GLYATL1: variants seen among roughly 807,000 people sequenced by gnomAD.
GLYATL1 encodes glycine-N-acyltransferase like 1, also known as glycine N-acyltransferase-like protein 1.
GLYATL1 carries 15 observed loss-of-function variants against 20.0 expected under a neutral mutation model. The ratio of observed to expected loss-of-function variants is 0.75; its 90% CI spans 0.50 to 1.15. GLYATL1 has a LOEUF of 1.15. Among genes scored for constraint, GLYATL1 ranks in the 50% most tolerant of loss-of-function variants. The probability of loss-of-function intolerance (pLI) is 0.00; values close to 1 mark genes in which losing one functional copy is unlikely to be tolerated. For missense variants in GLYATL1, 380 were observed against 368.5 expected (o/e 1.03, Z -0.26); for synonymous variants, 151 against 131.5 (o/e 1.15, Z -1.01).
chr11:58,915,705 G>T (rs77294961), intron 1 of GLYATL1, among the ~76,000 whole-genome samples: 198 of 152,288 alleles, frequency 1.3e-3, no homozygotes, highest in African/African-American at 4.5e-3. Context: ...ACACCGATTG[G>T]GACTGCCAGG....
At chr11:58,909,152 A>G (rs1264381265), downstream of GLYATL1, among the ~76,000 whole-genome samples, 1 of 152,218 alleles carries the variant, frequency 6.6e-6, no homozygotes, top group African/African-American at 2.4e-5. Context: ...AAGAAATTAA[A>G]GCAGTGTCAT....
chr11:58,953,416 T>G (rs2135267969), intron 4 of GLYATL1, among the ~76,000 whole-genome samples: 1 of 149,998 alleles, frequency 6.7e-6, no homozygotes, highest in Non-Finnish European at 1.5e-5. Context: ...TGCTTTTTTC[T>G]CTTTCTCTTG....
At chr11:58,946,859 C>T (rs754849331) in intron 2 of GLYATL1, 187 bp from the exon 3 acceptor site, 288 of 625,778 alleles carry the variant, frequency 4.6e-4, no homozygotes, top group Non-Finnish European at 7.5e-4. Context: ...GTTTCAAAAT[C>T]TGACTCTGGC....
chr11:58,913,004 T>C (rs1855087758), downstream of GLYATL1, among the ~76,000 whole-genome samples: 1 of 152,138 alleles, frequency 6.6e-6, no homozygotes, highest in Non-Finnish European at 1.5e-5. Context: ...AGACATCCAA[T>C]GGAAGGCCAT....
chr11:58,913,910 C>T (rs1855108949), intron 1 of GLYATL1, among the ~76,000 whole-genome samples: 1 of 152,200 alleles, frequency 6.6e-6, no homozygotes, highest in Admixed American at 6.5e-5. Flanking sequence ...TGCTTGTTGA[C>T]TCACTAATCA....
intron 1 of GLYATL1, among the ~76,000 whole-genome samples, chr11:58,906,865 A>G (rs1854902055): frequency 6.6e-6 from 1 of 152,154 alleles, no homozygotes; most frequent in African/African-American, 2.4e-5. Context: ...CGCGGTGCTC[A>G]TTTGAGGCGG....
chr11:58,908,085 C>T (rs1186207900), exon 2 of GLYATL1: 2 of 152,406 alleles, frequency 1.3e-5, no homozygotes, highest in Non-Finnish European at 2.9e-5. Context: ...CACTGCACAT[C>T]TCTGATCCTC....
chr11:58,910,619 T>G (rs1472395830), downstream of GLYATL1, among the ~76,000 whole-genome samples: 2 of 152,006 alleles, frequency 1.3e-5, no homozygotes, highest in East Asian at 1.9e-4. Context: ...AGTGTAAAAC[T>G]GCCAAACTGT....
chr11:58,949,043 A>G (rs1001723134), intron 4 of GLYATL1, among the ~76,000 whole-genome samples: 1 of 152,264 alleles, frequency 6.6e-6, no homozygotes. Flanking sequence ...ACATAACTGT[A>G]AATAGTGTTT....
chr11:58,947,952 G>C lies in GLYATL1; in HGVS notation c.173G>C (p.Arg58Pro). The C allele has an allele frequency of 6.2e-7, 1 of 1,612,988 alleles. No homozygotes were observed. Among genetic ancestry groups the C allele is most frequent in the Non-Finnish European group, 8.5e-7 (1 of 1,179,116 alleles). Residue 58 changes from arginine to proline, a missense_variant, in exon 4 of 7, where the codon CGG (arginine) becomes CCG (proline). By Grantham distance (103) the Arg-to-Pro change is moderately radical. Transcript: ENST00000532726. The stretch of plus-strand genomic sequence containing the variant: ...CCTGAATATCAGATGGTTATTATCC[G>C]GCCTCAAAAGCAGGTAGGCACACAG... Reference protein sequence around the residue: ...SWPEYQMVIIRPQKQEMTDDM... With the variant: ...SWPEYQMVIIPPQKQEMTDDM...
intron 1 of GLYATL1, among the ~76,000 whole-genome samples, chr11:58,929,806 G>C (rs1196507501): frequency 2.6e-5 from 4 of 152,192 alleles, no homozygotes; most frequent in Non-Finnish European, 5.9e-5. Context: ...AAACTCATTG[G>C]CTTCCCTGAA....
In GLYATL1 at chr11:58,945,570, G is replaced by A. The variant is rs547490957; in HGVS notation, c.-42-1476G>A. ...AAATGGAACACAAGTTTTTTTGCGG[G>A]GAGTGATATAGCATGGTAGATCTTG... On this transcript the variant is annotated intron_variant, in intron 2 of 6. Transcript: ENST00000532726. 6.6e-5 allele frequency among the ~76,000 whole-genome samples: 10 copies of A among 152,210 alleles called. No homozygotes were observed. The South Asian group carries it at 2.1e-3, about 32-fold the overall frequency.
intron 1 of GLYATL1, among the ~76,000 whole-genome samples, chr11:58,914,660 C>A (rs1203350624): frequency 1.3e-5 from 2 of 152,110 alleles, no homozygotes; most frequent in African/African-American, 4.8e-5. Context: ...GTCCTGTGTG[C>A]ATGGAGGTGA....
rs978361510 is a variant in GLYATL1, at chr11:58,943,583, C to T, written c.-126C>T. 2 of 1,613,396 alleles carry T rather than the reference C, an allele frequency of 1.2e-6. No homozygotes were observed. The highest frequency in any genetic ancestry group is 1.7e-6 in the Non-Finnish European group (2 of 1,179,660). On this transcript the variant is annotated 5_prime_UTR_variant, in exon 2 of 7. Coordinates refer to ENST00000532726, the MANE Select transcript of GLYATL1 (RefSeq NM_001389712.2). The stretch of plus-strand genomic sequence containing the variant: ...GGATCTGAAGTGGAGCTTCTAGTAT[C>T]CCCAGGAGCGCGAAGTGAACACGGA...
chr11:58,943,593 G>A lies in GLYATL1; in HGVS notation c.-116G>A, dbSNP rs559347392. The A allele has an allele frequency of 6.4e-5, 103 of 1,613,490 alleles. 1 individual carries two copies. In the East Asian group the frequency reaches 1.1e-3, roughly 18 times the overall value. ...TGGAGCTTCTAGTATCCCCAGGAGC[G>A]CGAAGTGAACACGGAAGGTACCTGC... On this transcript the variant is annotated 5_prime_UTR_variant, in exon 2 of 7. Coordinates refer to ENST00000532726, the MANE Select transcript of GLYATL1 (RefSeq NM_001389712.2).
downstream of GLYATL1, among the ~76,000 whole-genome samples, chr11:58,911,386 G>A (rs1855038634): frequency 6.6e-6 from 1 of 152,162 alleles, no homozygotes; most frequent in Non-Finnish European, 1.5e-5. Flanking sequence ...AACTTTATAA[G>A]AAATTGTCAA....
intron 3 of GLYATL1, chr11:58,947,488 C>T (rs1856658280): frequency 2.2e-6 from 1 of 461,230 alleles, no homozygotes; most frequent in Non-Finnish European, 3.9e-6. Flanking sequence ...TGTTTCTTTC[C>T]CTTTCTCTGA....
chr11:58,938,034 A>G (rs898384486), upstream of GLYATL1, among the ~76,000 whole-genome samples: 2 of 152,258 alleles, frequency 1.3e-5, no homozygotes, highest in African/African-American at 4.8e-5. Flanking sequence ...ACCAACACGT[A>G]AAGGTAGGCT....
intron 1 of GLYATL1, chr11:58,943,276 T>C (rs1035574367): frequency 4.0e-5 from 62 of 1,543,680 alleles, no homozygotes; most frequent in Non-Finnish European, 5.2e-5. Flanking sequence ...GCAGCCATAC[T>C]TCAACTACTC....
Sources: gnomAD v4.1 joint callset for allele counts (sites outside exome capture counted in the v4.1 genomes callset) on GRCh38, gnomAD v4.1.1 for gene constraint, MANE v1.5 for transcripts, NCBI Gene and HGNC (gene_info 2026-07-23, HGNC 2026-07-21) for gene names.